UACA: variants seen among roughly 807,000 people sequenced by gnomAD.
UACA encodes uveal autoantigen with coiled-coil domains and ankyrin repeats, also known as nuclear membrane binding protein.
A neutral mutation model predicts 160.5 loss-of-function variants in UACA; 112 were observed. That is an observed-to-expected ratio of 0.70 (90% CI 0.60 to 0.82). The LOEUF is 0.82. Among genes scored for constraint, UACA ranks in the 40% least tolerant of loss-of-function variants. The probability of loss-of-function intolerance (pLI) is 0.00; values close to 1 mark genes in which losing one functional copy is unlikely to be tolerated. For synonymous variants in UACA, 557 were observed against 568.4 expected (o/e 0.98, Z 0.29); for missense variants, 1,574 against 1,614.6 (o/e 0.97, Z 0.43).
chr15:70,762,716 G>A (rs887044327), intron 1 of UACA, among the ~76,000 whole-genome samples: 6 of 152,342 alleles, frequency 3.9e-5, no homozygotes, highest in African/African-American at 1.2e-4. Flanking sequence ...GTGGGGTTTT[G>A]TCTTTACGAC....
intron 15 of UACA, among the ~76,000 whole-genome samples, chr15:70,670,208 CCTT>C (rs1483152433): frequency 6.6e-6 from 1 of 152,090 alleles, no homozygotes; most frequent in Non-Finnish European, 1.5e-5. Flanking sequence ...GGATGTATGA[CCTT>C]CTTCAGGGAG....
chr15:70,702,296 T>C (rs532331220), intron 1 of UACA: 6 of 1,013,646 alleles, frequency 5.9e-6, no homozygotes, highest in Non-Finnish European at 7.1e-6. Context: ...ACACAGACGC[T>C]GCAGTGCATG....
intron 1 of UACA, 56 bp downstream of exon 1, chr15:70,763,274 G>T: frequency 7.7e-7 from 1 of 1,296,984 alleles, no homozygotes; most frequent in Non-Finnish European, 9.9e-7. Flanking sequence ...GCCAGCAAAG[G>T]AGGGCTGCGC....
At position 70,762,127 on chromosome 15, in the gene UACA, T is replaced by A. The variant is rs761807625; in HGVS notation, c.78+1203A>T. Among the ~76,000 whole-genome samples, 3 of 152,162 alleles carry A rather than the reference T, an allele frequency of 2.0e-5. No homozygotes were observed. In the East Asian group the frequency reaches 5.8e-4, roughly 29 times the overall value. Reference sequence around the variant, plus strand: ...CGACTTCATGCTTTATCAAAGAACATCAATTACGTCATCTGAATCTACTCT... The same window carrying A: ...CGACTTCATGCTTTATCAAAGAACAACAATTACGTCATCTGAATCTACTCT... On this transcript the variant is annotated intron_variant, in intron 1 of 18. Coordinates refer to ENST00000322954, the MANE Select transcript of UACA (RefSeq NM_018003.4).
chr15:70,662,555 T>A (rs914468828), intron 17 of UACA, among the ~76,000 whole-genome samples: 1 of 152,074 alleles, frequency 6.6e-6, no homozygotes, highest in African/African-American at 2.4e-5. Context: ...CATCGCCAAG[T>A]CAATCCTAAG....
Position 70,718,324 on chromosome 15 carries a change from A to ATGTATG in UACA, c.79-18665_79-18664insCATACA, listed in dbSNP as rs1491091552. Among the ~76,000 whole-genome samples, 7 of 60,182 alleles carry ATGTATG rather than the reference A, an allele frequency of 1.2e-4. No individual in the cohort carries two copies. The Admixed American group carries it at 1.5e-3, about 13-fold the overall frequency. The allele number at this position is 60,182 out of a possible 152,430, so 39.5% of individuals were successfully genotyped here. A position where few individuals can be genotyped will look rare whatever the true frequency, so the allele number is the denominator to read the frequency against. ...AGAGGGAGAGGGAGAGAGAGAGAGA[A>ATGTATG]TGTGTGTGTGTGTGTGTGTGTGTGT... On this transcript the variant is annotated intron_variant, in intron 1 of 18. Transcript: ENST00000322954.
At chr15:70,674,891 G>C (rs555650103) in intron 13 of UACA, among the ~76,000 whole-genome samples, 1 of 152,128 alleles carries the variant, frequency 6.6e-6, no homozygotes, top group Non-Finnish European at 1.5e-5. Context: ...GAGACACTGC[G>C]CCTGGCCTAT....
chr15:70,714,283 T>A (rs2140982078), intron 1 of UACA, among the ~76,000 whole-genome samples: 1 of 152,298 alleles, frequency 6.6e-6, no homozygotes. Context: ...CCCACTTACA[T>A]AACAGCAAAT....
chr15:70,749,338 A>C (rs1201176628), intron 1 of UACA: 1 of 223,972 alleles, frequency 4.5e-6, no homozygotes, highest in Non-Finnish European at 9.1e-6. Context: ...CATCCTGGCT[A>C]ATATGGTGAA....
intron 1 of UACA, among the ~76,000 whole-genome samples, chr15:70,737,408 T>C (rs1472867498): frequency 6.6e-6 from 1 of 152,188 alleles, no homozygotes; most frequent in African/African-American, 2.4e-5. Context: ...CAGTATTTTT[T>C]CCATATTTAA....
chr15:70,703,394 C>A (rs919527993), intron 1 of UACA: 2 of 692,194 alleles, frequency 2.9e-6, no homozygotes, highest in South Asian at 1.9e-5. Context: ...CTGTTTCCTA[C>A]TAAATTTACA....
In UACA at chr15:70,663,775, A is replaced by C. The variant is rs946404077; in HGVS notation, c.4113+887T>G. Among the ~76,000 whole-genome samples the C allele has an allele frequency of 8.0e-5, 12 of 150,536 alleles. No homozygotes were observed. In the Admixed American group the frequency reaches 8.0e-4, roughly 10 times the overall value. On this transcript the variant is annotated intron_variant, in intron 17 of 18. Coordinates refer to ENST00000322954, the MANE Select transcript of UACA (RefSeq NM_018003.4). ...TCAGCAAACTATCGCAACGACAAAA[A>C]ACCAAACACTGCATGTTCTCACTCA...
chr15:70,685,333 G>A (rs183835841), intron 7 of UACA, among the ~76,000 whole-genome samples: 206 of 152,216 alleles, frequency 1.4e-3, no homozygotes, highest in Middle Eastern at 6.8e-3. Context: ...TAACCAACAC[G>A]TAATGAAATG....
chr15:70,744,205 C>T (rs1408679225), intron 1 of UACA, among the ~76,000 whole-genome samples: 7 of 147,204 alleles, frequency 4.8e-5, no homozygotes, highest in South Asian at 4.3e-4. Flanking sequence ...GTTGAGATTA[C>T]GCCACTGCAT....
At chr15:70,765,232 A>G (rs926127331), upstream of UACA, among the ~76,000 whole-genome samples, 5 of 151,824 alleles carry the variant, frequency 3.3e-5, no homozygotes, top group Non-Finnish European at 5.9e-5. Context: ...ATCTCAGAAA[A>G]TCCTACTCCC....
At chr15:70,708,177 A>T (rs778993991) in intron 1 of UACA, among the ~76,000 whole-genome samples, 3 of 152,204 alleles carry the variant, frequency 2.0e-5, no homozygotes, top group Non-Finnish European at 4.4e-5. Context: ...CAGTCAAAAA[A>T]AGACAAATAC....
chr15:70,700,318 T>TATATATATATATATATATAC (rs565377949), intron 1 of UACA, among the ~76,000 whole-genome samples: 1 of 139,822 alleles, frequency 7.2e-6, no homozygotes, highest in African/African-American at 2.9e-5. Context: ...TATATATATA[T>TATATATATATATATATATAC]ACACACACAC....
At chr15:70,742,510 A>G (rs1324704618) in intron 1 of UACA, among the ~76,000 whole-genome samples, 1 of 152,198 alleles carries the variant, frequency 6.6e-6, no homozygotes, top group Non-Finnish European at 1.5e-5. Context: ...ATGAATTTGC[A>G]TGTTCCCAGT....
upstream of UACA, among the ~76,000 whole-genome samples, chr15:70,765,480 A>C (rs976347952): frequency 2.6e-5 from 4 of 152,174 alleles, no homozygotes; most frequent in African/African-American, 9.7e-5. Flanking sequence ...ACTGGAAGTG[A>C]TCTCTCCATC....
Sources: allele counts gnomAD v4.1 joint callset (sites outside exome capture counted in the v4.1 genomes callset), GRCh38; gene constraint gnomAD v4.1.1; transcripts MANE v1.5; gene names NCBI Gene and HGNC (gene_info 2026-07-23, HGNC 2026-07-21).